The following SLC4A4 variants were observed in gnomAD, a reference collection of about 807,000 sequenced individuals.
SLC4A4 encodes electrogenic sodium bicarbonate cotransporter 1.
SLC4A4 carries 27 observed loss-of-function variants against 111.5 expected under a neutral mutation model. That is an observed-to-expected ratio of 0.24 (90% CI 0.18 to 0.33). The LOEUF is 0.33. Among genes scored for constraint, SLC4A4 ranks in the 10% least tolerant of loss-of-function variants. SLC4A4 has a pLI of 1.00. For missense variants in SLC4A4, 909 were observed against 1,315.5 expected (o/e 0.69, Z 4.78); for synonymous variants, 443 against 463.4 (o/e 0.96, Z 0.57).
chr4:71,521,813 C>T (rs73826502), intron 16 of SLC4A4, among the ~76,000 whole-genome samples: 2,114 of 152,210 alleles, frequency 0.014, 36 homozygotes, highest in South Asian at 0.065. Flanking sequence ...GCATGTGGCA[C>T]TCCAGGTTTT....
rs141230395 is a variant in SLC4A4, at chr4:71,262,807, G to A, written c.253+7408G>A. ...CAGTATTTATTCCCCTTTCCCCCCG[G>A]GTGTCATTTCTTTGGGAATAGAAAA... is the stretch of plus-strand genomic sequence containing the variant. On this transcript the variant is annotated intron_variant, in intron 3 of 25. Transcript: ENST00000264485. Among the ~76,000 whole-genome samples the A allele has an allele frequency of 8.4e-4, 126 of 150,724 alleles. 1 individual carries two copies. Among genetic ancestry groups the A allele is most frequent in the African/African-American group, 2.9e-3 (121 of 41,066 alleles).
chr4:71,090,090 C>T (rs1742335892), intron 1 of SLC4A4, among the ~76,000 whole-genome samples: 1 of 152,086 alleles, frequency 6.6e-6, no homozygotes, highest in African/African-American at 2.4e-5. Flanking sequence ...CAAGCCTTAG[C>T]AATGGCGGGC....
intron 2 of SLC4A4, among the ~76,000 whole-genome samples, chr4:71,158,499 T>C (rs1744536947): frequency 6.6e-6 from 1 of 152,190 alleles, no homozygotes; most frequent in African/African-American, 2.4e-5. Flanking sequence ...AGGTTTTAAA[T>C]ACCCCCCAAA....
At chr4:71,114,569 A>G in intron 2 of SLC4A4, among the ~76,000 whole-genome samples, 1 of 150,854 alleles carries the variant, frequency 6.6e-6, no homozygotes, top group East Asian at 1.9e-4. Context: ...TATGCAGTCA[A>G]AAAACACATG....
intron 1 of SLC4A4, among the ~76,000 whole-genome samples, chr4:71,230,231 GAC>G (rs1719326907): frequency 6.6e-6 from 1 of 152,188 alleles, no homozygotes; most frequent in Non-Finnish European, 1.5e-5. Context: ...TCCTGAAAAA[GAC>G]CTGTGAAATG....
intron 6 of SLC4A4, among the ~76,000 whole-genome samples, chr4:71,391,705 G>C (rs900488370): frequency 6.6e-6 from 1 of 151,832 alleles, no homozygotes; most frequent in Non-Finnish European, 1.5e-5. Context: ...ACTTGAGACT[G>C]GTTCTTCTTC....
chr4:71,320,616 C>T (rs367975951), intron 3 of SLC4A4, among the ~76,000 whole-genome samples: 1 of 151,996 alleles, frequency 6.6e-6, no homozygotes, highest in Admixed American at 6.6e-5. Context: ...AAGCGTTTTA[C>T]CAGTGTAATT....
chr4:71,363,272 G>T (rs764354272), intron 6 of SLC4A4, among the ~76,000 whole-genome samples: 2 of 152,200 alleles, frequency 1.3e-5, no homozygotes, highest in African/African-American at 2.4e-5. Flanking sequence ...AGTGATATTA[G>T]TTGGGCTCTT....
chr4:71,141,587 T>C (rs1167358586), intron 2 of SLC4A4, among the ~76,000 whole-genome samples: 1 of 152,202 alleles, frequency 6.6e-6, no homozygotes, highest in Non-Finnish European at 1.5e-5. Flanking sequence ...AGCTCAAATG[T>C]CTTCACTCTT....
At chr4:71,177,622 G>A (rs1745139484) in intron 2 of SLC4A4, among the ~76,000 whole-genome samples, 1 of 152,256 alleles carries the variant, frequency 6.6e-6, no homozygotes, top group Middle Eastern at 3.4e-3. Context: ...TCAACAAGAA[G>A]AACTAACTAT....
chr4:71,322,381 A>G (rs1409943889), intron 3 of SLC4A4, among the ~76,000 whole-genome samples: 1 of 151,980 alleles, frequency 6.6e-6, no homozygotes. Context: ...AGGAAGGAGA[A>G]TGTCTTCTTT....
chr4:71,107,927 C>G (rs1038460624), intron 2 of SLC4A4, among the ~76,000 whole-genome samples: 3 of 152,026 alleles, frequency 2.0e-5, no homozygotes, highest in African/African-American at 7.2e-5. Context: ...CTTCTCATTT[C>G]CTTTTGCATA....
Position 71,434,376 on chromosome 4 carries a change from A to G in SLC4A4, c.808-6240A>G, listed in dbSNP as rs548434890. The G allele has an allele frequency of 7.3e-5, 13 of 177,400 alleles. No homozygotes were observed. In the South Asian group the frequency reaches 1.7e-3, roughly 23 times the overall value. 11.0% of individuals were successfully genotyped at this position (177,400 alleles called of 1,614,324 possible). ...TTGCTACCAAAAAACAACAAAAAAA[A>G]CCCTTCAGACTGGTAGCTTTAAACA... On this transcript the variant is annotated intron_variant, in intron 7 of 25. Coordinates refer to ENST00000264485, the MANE Select transcript of SLC4A4 (RefSeq NM_001098484.3).
chr4:71,172,615 TA>T (rs1744976610), intron 2 of SLC4A4, among the ~76,000 whole-genome samples: 1 of 152,240 alleles, frequency 6.6e-6, no homozygotes, highest in African/African-American at 2.4e-5. Context: ...TTTAAGCAAG[TA>T]AAAATTGCTG....
At chr4:71,376,636 T>C (rs1732428271) in intron 6 of SLC4A4, among the ~76,000 whole-genome samples, 1 of 149,858 alleles carries the variant, frequency 6.7e-6, no homozygotes, top group Non-Finnish European at 1.5e-5. Context: ...TTAAATGTAT[T>C]TTATTATTTA....
chr4:71,333,703 C>A (rs1263120296), intron 3 of SLC4A4, among the ~76,000 whole-genome samples: 1 of 152,200 alleles, frequency 6.6e-6, no homozygotes, highest in Non-Finnish European at 1.5e-5. Flanking sequence ...ATTTGGTACT[C>A]TATTCTGCTG....
At position 71,495,139 on chromosome 4, in the gene SLC4A4, A is replaced by G. The variant is rs184176464; in HGVS notation, c.1975-2362A>G. Among the ~76,000 whole-genome samples the G allele has an allele frequency of 2.9e-3, 443 of 152,164 alleles. 3 individuals are homozygous for G. Among genetic ancestry groups the G allele is most frequent in the South Asian group, 9.3e-3 (45 of 4,822 alleles). Reference sequence around the variant, plus strand: ...ATCATTTGAGGCTTACAAAATAGTGATCATTTGGCATTTTAAGTTGATGTA... The same window carrying G: ...ATCATTTGAGGCTTACAAAATAGTGGTCATTTGGCATTTTAAGTTGATGTA... On this transcript the variant is annotated intron_variant, in intron 15 of 25. Transcript: ENST00000264485.
At chr4:71,114,063 C>T (rs545836311) in intron 2 of SLC4A4, among the ~76,000 whole-genome samples, 11 of 152,188 alleles carry the variant, frequency 7.2e-5, no homozygotes, top group South Asian at 2.1e-4. Context: ...CTGGCTAACA[C>T]GGTGAAACCC....
chr4:71,185,118 A>G (rs1560765039), upstream of SLC4A4, among the ~76,000 whole-genome samples: 1 of 152,180 alleles, frequency 6.6e-6, no homozygotes, highest in South Asian at 2.1e-4. Flanking sequence ...TACGTGAAGG[A>G]AAGTTTGATA....
Sources: allele counts gnomAD v4.1 joint callset (sites outside exome capture counted in the v4.1 genomes callset), GRCh38; gene constraint gnomAD v4.1.1; transcripts MANE v1.5; gene names NCBI Gene and HGNC (gene_info 2026-07-23, HGNC 2026-07-21).